Variants in DCAF1 observed in about 807,000 individuals in gnomAD.
DCAF1 encodes DDB1 and CUL4 associated factor 1.
Under a neutral mutation model 128.0 loss-of-function variants are expected in DCAF1, and 15 were observed. The ratio of observed to expected loss-of-function variants is 0.12; its 90% CI spans 0.08 to 0.18. The LOEUF is 0.18. Among genes scored for constraint, DCAF1 ranks in the 10% least tolerant of loss-of-function variants. The probability of loss-of-function intolerance (pLI) is 1.00; values close to 1 mark genes in which losing one functional copy is unlikely to be tolerated. For synonymous variants in DCAF1, 610 were observed against 603.0 expected (o/e 1.01, Z -0.17); for missense variants, 988 against 1,649.5 (o/e 0.60, Z 6.95).
At chr3:51,459,850 T>C (rs1177900055) in intron 6 of DCAF1, among the ~76,000 whole-genome samples, 4 of 152,116 alleles carry the variant, frequency 2.6e-5, no homozygotes, top group Non-Finnish European at 4.4e-5. Flanking sequence ...TTTGACAAAA[T>C]TCAACAACCT....
the DCAF1 span, among the ~76,000 whole-genome samples, chr3:51,505,508 G>A: frequency 6.6e-6 from 1 of 152,278 alleles, no homozygotes; most frequent in South Asian, 2.1e-4. Context: ...GGTGTAGAGG[G>A]TGTCATGGGC....
intron 3 of DCAF1, 67 bp from the exon 4 acceptor site, chr3:51,471,072 T>C: frequency 1.0e-6 from 1 of 969,086 alleles, no homozygotes; most frequent in Non-Finnish European, 1.6e-6. Context: ...ACTACAACAG[T>C]CAATTCAACG....
chr3:51,485,973 C>T (rs1414752347), intron 2 of DCAF1, among the ~76,000 whole-genome samples: 1 of 150,572 alleles, frequency 6.6e-6, no homozygotes. Flanking sequence ...CTCACTGTAA[C>T]GTCTACCTGC....
chr3:51,413,041 G>T lies in DCAF1; in HGVS notation c.4062C>A (p.Ile1354=), dbSNP rs782495802. The T allele has an allele frequency of 4.3e-6, 7 of 1,614,008 alleles. No individual in the cohort carries two copies. In the Admixed American group the frequency reaches 1.0e-4, roughly 23 times the overall value. ...CTTTGGTGTCTGTACACAGGTCAAA[G>T]ATGTTCCGTTTCACATCAATGGTTG... ...PIATIDVKRN[I]FDLCTDTKDC... Residue 1354 remains isoleucine, a synonymous_variant, in exon 22 of 25, where the codon ATC becomes ATA. Coordinates refer to ENST00000684031, the MANE Select transcript of DCAF1 (RefSeq NM_001387579.1).
At chr3:51,396,349 C>T (rs992806804), downstream of DCAF1, 8 of 170,664 alleles carry the variant, frequency 4.7e-5, no homozygotes, top group African/African-American at 1.9e-4. Flanking sequence ...CCTGGCATGA[C>T]ATTCCTTCTC....
chr3:51,485,389 T>C (rs1249437128), intron 2 of DCAF1, among the ~76,000 whole-genome samples: 2 of 152,026 alleles, frequency 1.3e-5, no homozygotes, highest in African/African-American at 2.4e-5. Flanking sequence ...CTGGGTTGAG[T>C]GGTTCAAACT....
At chr3:51,487,251 T>C (rs1158618241) in intron 2 of DCAF1, among the ~76,000 whole-genome samples, 1 of 152,218 alleles carries the variant, frequency 6.6e-6, no homozygotes, top group Non-Finnish European at 1.5e-5. Flanking sequence ...ATTACAGGCG[T>C]GAGCCACTGT....
Position 51,441,860 on chromosome 3 carries a change from A to G in DCAF1, c.551T>C (p.Leu184Pro), listed in dbSNP as rs1553638923. ...TTCCTGCCGCAAAGCCACTTCCTGT[A>G]GCTGTAGCTCCCTCAGTCTTCGAAG... is the stretch of plus-strand genomic sequence containing the variant. ...IVLRRLRELQ[L>P]QEVALRQENK... The change falls in exon 8 of 25, where the codon CTA becomes CCA. Residue 184 changes from leucine to proline, a missense_variant. Physicochemically the swap from Leu to Pro is moderately conservative, Grantham distance 98. Transcript: ENST00000684031. 6.2e-7 allele frequency: 1 copy of G among 1,611,778 alleles called. No homozygotes were observed. Among genetic ancestry groups the G allele is most frequent in the East Asian group, 2.2e-5 (1 of 44,886 alleles).
intron 23 of DCAF1, among the ~76,000 whole-genome samples, chr3:51,407,984 C>CAAAAAAAAAAAAAAAAAAAAAAA (rs59224025): frequency 1.9e-5 from 1 of 52,548 alleles, no homozygotes; most frequent in Non-Finnish European, 3.2e-5. Context: ...GACTCCATCT[C>CAAAAAAAAAAAAAAAAAAAAAAA]AAAAAAAAAA....
intron 7 of DCAF1, 88 bp downstream of exon 7, chr3:51,443,678 A>G (rs1472778979): frequency 3.4e-6 from 4 of 1,187,096 alleles, no homozygotes; most frequent in East Asian, 2.7e-5. Context: ...AAGATAATCA[A>G]TATGATCTAC....
chr3:51,420,800 T>G lies in DCAF1; in HGVS notation c.2170A>C (p.Lys724Gln), dbSNP rs966799864. 6.2e-7 allele frequency: 1 copy of G among 1,614,034 alleles called. No individual in the cohort carries two copies. Among genetic ancestry groups the G allele is most frequent in the Non-Finnish European group, 8.5e-7 (1 of 1,179,892 alleles). Residue 724 changes from lysine (K) to glutamine (Q), a missense_variant, in exon 15 of 25, where the codon AAG becomes CAG. Physicochemically the swap from Lys to Gln is moderately conservative, Grantham distance 53. This residue lies in a region of DCAF1 where 185 missense variants were observed against 248.1 expected (regional missense o/e 0.75). Coordinates refer to ENST00000684031, the MANE Select transcript of DCAF1 (RefSeq NM_001387579.1). The surrounding 1 kb of genome is among the most constrained non-coding windows in gnomAD (Gnocchi z 6.5). ...NPKSSEHTLA[K>Q]MWNVVQSNNG... ...TTGGACTGAACCACATTCCACATCT[T>G]GGCCAGGGTGTGCTCACTGCTTTTA...
At chr3:51,441,306 T>C (rs1327616354) in intron 8 of DCAF1, 79 bp downstream of exon 8, 32 of 1,470,270 alleles carry the variant, frequency 2.2e-5, no homozygotes, top group Non-Finnish European at 2.9e-5. Flanking sequence ...TATCTTTGTA[T>C]AAAATACTAC....
upstream of DCAF1, among the ~76,000 whole-genome samples, chr3:51,501,219 T>G (rs1553664199): frequency 6.6e-6 from 1 of 152,162 alleles, no homozygotes; most frequent in Non-Finnish European, 1.5e-5. Context: ...GCTCATAGAT[T>G]AAGGCAGGAC....
intron 18 of DCAF1, among the ~76,000 whole-genome samples, chr3:51,416,472 C>T (rs1383064238): frequency 6.6e-6 from 1 of 152,182 alleles, no homozygotes; most frequent in Non-Finnish European, 1.5e-5. Flanking sequence ...CCTAAATTTA[C>T]CGTATATTTG....
At chr3:51,449,644 A>T (rs1702174014) in intron 6 of DCAF1, among the ~76,000 whole-genome samples, 1 of 152,210 alleles carries the variant, frequency 6.6e-6, no homozygotes, top group African/African-American at 2.4e-5. Flanking sequence ...CAAAAGAAAT[A>T]ATAAAGATTA....
At chr3:51,483,622 T>C in intron 3 of DCAF1, 97 bp downstream of exon 3, 1 of 789,994 alleles carries the variant, frequency 1.3e-6, no homozygotes, top group Non-Finnish European at 2.2e-6. Context: ...TGTGTGTGTG[T>C]GTGTGTGTGT....
intron 3 of DCAF1, among the ~76,000 whole-genome samples, chr3:51,481,854 G>A (rs888277017): frequency 6.6e-6 from 1 of 152,096 alleles, no homozygotes; most frequent in Non-Finnish European, 1.5e-5. Flanking sequence ...AGCCAGCGTC[G>A]TGGCGGGCAC....
intron 5 of DCAF1, among the ~76,000 whole-genome samples, chr3:51,466,128 G>A (rs868917676): frequency 5.9e-5 from 9 of 152,174 alleles, no homozygotes. Context: ...CCTGACCCCG[G>A]AAAGCAGAGG....
In DCAF1 at chr3:51,405,118, T is replaced by C. The variant is rs547396132; in HGVS notation, c.4213-1723A>G. On this transcript the variant is annotated intron_variant, in intron 23 of 24. Coordinates refer to ENST00000684031, the MANE Select transcript of DCAF1 (RefSeq NM_001387579.1). ...AGTTAAAAATAAGTAAGGAAGAAAG[T>C]ACCCAGGGCCCTGTGTCTTAAGGCT... 2.0e-5 allele frequency among the ~76,000 whole-genome samples: 3 copies of C among 152,328 alleles called. No homozygotes were observed. The East Asian group carries it at 5.8e-4, about 29-fold the overall frequency.
Sources: allele counts gnomAD v4.1 joint callset (sites outside exome capture counted in the v4.1 genomes callset), GRCh38; gene constraint gnomAD v4.1.1; regional missense constraint gnomAD v4.1.1; non-coding constraint Gnocchi (gnomAD v3.1); transcripts MANE v1.5; gene names NCBI Gene and HGNC (gene_info 2026-07-23, HGNC 2026-07-21).